The following FSTL5 variants were observed in gnomAD, a reference collection of about 807,000 sequenced individuals.
FSTL5 encodes the protein follistatin-related protein 5.
Under a neutral mutation model 89.1 loss-of-function variants are expected in FSTL5, and 62 were observed. That is an observed-to-expected ratio of 0.70 (90% CI 0.57 to 0.86). The LOEUF (loss-of-function observed/expected upper bound fraction) is 0.86, where lower values mean the gene tolerates loss of function less well. Ranked by LOEUF, FSTL5 falls within the 40% of genes least tolerant of loss-of-function variation. FSTL5 has a pLI of 0.00. For missense variants in FSTL5, 1,057 were observed against 1,001.6 expected (o/e 1.06, Z -0.75); for synonymous variants, 383 against 346.2 (o/e 1.11, Z -1.18).
At chr4:161,408,015 G>A (rs909402058) in intron 15 of FSTL5, among the ~76,000 whole-genome samples, 3 of 152,158 alleles carry the variant, frequency 2.0e-5, no homozygotes, top group African/African-American at 7.2e-5. Flanking sequence ...AATGGAAGAA[G>A]AGCCCACACT....
intron 4 of FSTL5, among the ~76,000 whole-genome samples, chr4:161,856,188 G>A (rs980533935): frequency 4.6e-5 from 7 of 151,966 alleles, no homozygotes; most frequent in Non-Finnish European, 7.4e-5. Context: ...CAATTCTTGT[G>A]TACCCAAAGC....
intron 6 of FSTL5, among the ~76,000 whole-genome samples, chr4:161,692,696 T>C (rs537409292): frequency 6.6e-6 from 1 of 152,036 alleles, no homozygotes; most frequent in Admixed American, 6.6e-5. Flanking sequence ...TCAGGGAAAA[T>C]CAACACTGCT....
chr4:162,011,546 T>C (rs1443574043), intron 3 of FSTL5, among the ~76,000 whole-genome samples: 2 of 151,956 alleles, frequency 1.3e-5, no homozygotes, highest in Non-Finnish European at 2.9e-5. Context: ...CAGGCTGGAG[T>C]GCAGTGGTGC....
intron 15 of FSTL5, among the ~76,000 whole-genome samples, chr4:161,427,390 C>T (rs1732203725): frequency 6.6e-6 from 1 of 152,168 alleles, no homozygotes; most frequent in Admixed American, 6.5e-5. Context: ...TGCTCTGAGG[C>T]AGTGGCTGAA....
At chr4:161,840,728 T>C (rs986766089) in intron 4 of FSTL5, among the ~76,000 whole-genome samples, 17 of 152,186 alleles carry the variant, frequency 1.1e-4, no homozygotes, top group African/African-American at 3.9e-4. Context: ...CTAAAATTAC[T>C]GTACAGGATG....
At chr4:161,695,648 C>T (rs1460413767) in intron 6 of FSTL5, among the ~76,000 whole-genome samples, 1 of 151,838 alleles carries the variant, frequency 6.6e-6, no homozygotes, top group East Asian at 1.9e-4. Context: ...TTTATTATGG[C>T]CATTCTTGCA....
At chr4:161,856,679 A>AT (rs1579145683) in intron 4 of FSTL5, among the ~76,000 whole-genome samples, 16 of 135,972 alleles carry the variant, frequency 1.2e-4, no homozygotes, top group East Asian at 4.9e-4. Context: ...TATATATATA[A>AT]ATATGTATAT....
At chr4:161,691,615 GC>G (rs1338293557) in intron 6 of FSTL5, among the ~76,000 whole-genome samples, 2 of 152,046 alleles carry the variant, frequency 1.3e-5, no homozygotes, top group African/African-American at 4.8e-5. Context: ...GGGCACTATT[GC>G]CATCTTAACA....
chr4:161,712,250 G>A (rs1031989207), intron 6 of FSTL5, among the ~76,000 whole-genome samples: 3 of 151,472 alleles, frequency 2.0e-5, no homozygotes, highest in African/African-American at 7.3e-5. Context: ...ACTTCATATG[G>A]GTGAATTCAA....
chr4:161,977,394 T>C (rs2111034864), intron 3 of FSTL5, among the ~76,000 whole-genome samples: 1 of 151,692 alleles, frequency 6.6e-6, no homozygotes, highest in Non-Finnish European at 1.5e-5. Context: ...AGGCGGGTCA[T>C]GAGGTTAGCA....
intron 6 of FSTL5, among the ~76,000 whole-genome samples, chr4:161,703,689 A>G (rs1738476875): frequency 6.6e-6 from 1 of 152,156 alleles, no homozygotes; most frequent in South Asian, 2.1e-4. Flanking sequence ...ATGTTGCTGA[A>G]CAACATATAG....
chr4:161,692,198 G>A (rs1737965540), intron 6 of FSTL5, among the ~76,000 whole-genome samples: 1 of 152,018 alleles, frequency 6.6e-6, no homozygotes, highest in East Asian at 1.9e-4. Flanking sequence ...CATTGAGTAT[G>A]ATGTTAACTG....
intron 1 of FSTL5, among the ~76,000 whole-genome samples, chr4:162,113,522 A>T (rs529959247): frequency 6.6e-6 from 1 of 152,120 alleles, no homozygotes. Flanking sequence ...TGCACTCATT[A>T]ATAACTTTAG....
intron 7 of FSTL5, among the ~76,000 whole-genome samples, chr4:161,650,701 T>C (rs572142470): frequency 1.3e-4 from 20 of 152,278 alleles, no homozygotes; most frequent in Admixed American, 5.2e-4. Flanking sequence ...TTAAATTTAT[T>C]TTATAAATCC....
intron 2 of FSTL5, among the ~76,000 whole-genome samples, chr4:162,065,936 C>G (rs543482937): frequency 6.6e-6 from 1 of 152,102 alleles, no homozygotes; most frequent in Non-Finnish European, 1.5e-5. Context: ...GGGTTACCAT[C>G]TTATATCTTT....
chr4:162,076,434 T>C (rs1021688607), intron 2 of FSTL5, among the ~76,000 whole-genome samples: 4 of 151,962 alleles, frequency 2.6e-5, no homozygotes, highest in Admixed American at 6.6e-5. Flanking sequence ...ATAAAAAATA[T>C]AATGTGCATT....
At chr4:162,124,592 T>C (rs1046647681) in intron 1 of FSTL5, among the ~76,000 whole-genome samples, 2 of 152,194 alleles carry the variant, frequency 1.3e-5, no homozygotes, top group Admixed American at 1.3e-4. Context: ...AGATAATCTA[T>C]TGAAAAATGA....
intron 4 of FSTL5, among the ~76,000 whole-genome samples, chr4:161,882,865 T>G (rs1468262506): frequency 6.6e-6 from 1 of 152,120 alleles, no homozygotes; most frequent in Admixed American, 6.5e-5. Flanking sequence ...AGTAGCATTC[T>G]CTGGTGATGC....
intron 3 of FSTL5, among the ~76,000 whole-genome samples, chr4:162,031,669 G>T (rs1489450537): frequency 6.6e-6 from 1 of 152,118 alleles, no homozygotes; most frequent in Non-Finnish European, 1.5e-5. Flanking sequence ...CGGGCGCGGT[G>T]GCTCAAGCCT....
Sources: allele counts gnomAD v4.1 joint callset (sites outside exome capture counted in the v4.1 genomes callset), GRCh38; gene constraint gnomAD v4.1.1; transcripts MANE v1.5; gene names NCBI Gene and HGNC (gene_info 2026-07-23, HGNC 2026-07-21).